Variants in NRP1 observed in about 807,000 individuals in gnomAD.
NRP1 encodes neuropilin-1.
A neutral mutation model predicts 106.7 loss-of-function variants in NRP1; 35 were observed. That is an observed-to-expected ratio of 0.33 (90% confidence interval 0.25 to 0.43). The LOEUF (loss-of-function observed/expected upper bound fraction) is 0.43. NRP1 is among the 20% of genes least tolerant of loss of function. The pLI is 1.00. For synonymous variants in NRP1, 437 were observed against 417.9 expected, an observed-to-expected ratio of 1.05 and a Z score of -0.56; for missense variants, 1,024 against 1,170.4, an observed-to-expected ratio of 0.87 and a Z score of 1.83.
chr10:33,262,421 G>A (rs1053900850), intron 4 of NRP1, among the ~76,000 whole-genome samples: 11 of 151,874 alleles, frequency 7.2e-5, no homozygotes, highest in South Asian at 2.1e-4. Context: ...GTCTAACCTC[G>A]GCCAGGCATG....
intron 6 of NRP1, among the ~76,000 whole-genome samples, chr10:33,248,660 C>T (rs1412096891): frequency 1.3e-5 from 2 of 152,232 alleles, no homozygotes; most frequent in African/African-American, 4.8e-5. Flanking sequence ...TCCTTCTCTT[C>T]TGGAACTTTC....
At chr10:33,185,266 C>T (rs1835925355) in intron 15 of NRP1, among the ~76,000 whole-genome samples, 1 of 152,200 alleles carries the variant, frequency 6.6e-6, no homozygotes, top group Admixed American at 6.5e-5. Flanking sequence ...TTTGTTTATA[C>T]ACCCAGATAT....
chr10:33,182,846 C>T (rs1473041555), intron 15 of NRP1, 98 bp from the exon 16 acceptor site: 3 of 802,976 alleles, frequency 3.7e-6, no homozygotes, highest in Non-Finnish European at 6.4e-6. Flanking sequence ...CACACACACA[C>T]ACACACACAC....
intron 7 of NRP1, 117 bp downstream of exon 7, chr10:33,226,017 A>T (rs951396854): frequency 8.5e-7 from 1 of 1,177,788 alleles, no homozygotes; most frequent in Admixed American, 2.2e-5. Flanking sequence ...TGCACTTTTC[A>T]TTTCAAATCA....
rs1464727491 is a variant in NRP1 at position 33,219,580 on chromosome 10, C to G, written c.1282+2139G>C. 2.6e-5 allele frequency among the ~76,000 whole-genome samples: 4 copies of G among 152,172 alleles called. No individual in the cohort carries two copies. The East Asian group carries it at 7.7e-4, about 29-fold the overall frequency. ...TATTAGGATATGCTATTTTAGACAT[C>G]TAAGTTTACATAACTAGATCATTTA... On this transcript the variant is annotated intron_variant, in intron 8 of 16. Transcript: ENST00000374867.
chr10:33,256,799 G>A lies in NRP1; in HGVS notation c.659-328C>T, dbSNP rs139031410. Among the ~76,000 whole-genome samples the A allele has an allele frequency of 9.6e-4, 146 of 152,306 alleles. No homozygotes were observed. In the Middle Eastern group the frequency reaches 0.01, roughly 11 times the overall value. On this transcript the variant is annotated intron_variant, in intron 4 of 16. Coordinates refer to ENST00000374867, the MANE Select transcript of NRP1 (RefSeq NM_003873.7). Reference sequence around the variant, plus strand: ...GTGGCACCTTGGTACCCACTGGCAGGGCAAATCTGTATACACAGCTCAGCG... The same window carrying A: ...GTGGCACCTTGGTACCCACTGGCAGAGCAAATCTGTATACACAGCTCAGCG...
At chr10:33,256,251 G>T (rs1238794269) in intron 5 of NRP1, 65 bp downstream of exon 5, 5 of 1,510,306 alleles carry the variant, frequency 3.3e-6, no homozygotes, top group Non-Finnish European at 4.6e-6. Flanking sequence ...TGTGGCCGCA[G>T]GTGTGTGAGC....
chr10:33,270,623 G>A (rs936225070), intron 3 of NRP1, 52 bp downstream of exon 3: 20 of 1,478,228 alleles, frequency 1.4e-5, no homozygotes, highest in African/African-American at 1.3e-4. Flanking sequence ...CACCACACTC[G>A]GCCTAAATGA....
chr10:33,250,326 T>C (rs1460537380), intron 6 of NRP1, among the ~76,000 whole-genome samples: 2 of 152,180 alleles, frequency 1.3e-5, no homozygotes, highest in Non-Finnish European at 2.9e-5. Flanking sequence ...CAGTGGATGA[T>C]AACAGCACCC....
chr10:33,285,565 G>A (rs1296451985), intron 2 of NRP1, among the ~76,000 whole-genome samples: 1 of 152,104 alleles, frequency 6.6e-6, no homozygotes. Context: ...GGGGCTGGGT[G>A]CAGTGTTGTA....
intron 12 of NRP1, among the ~76,000 whole-genome samples, chr10:33,195,768 G>A (rs734187): frequency 0.26 from 39,768 of 151,984 alleles, 5,645 homozygotes; most frequent in East Asian, 0.64. Context: ...CACAAACAGA[G>A]CACTTGGAGT....
intron 2 of NRP1, among the ~76,000 whole-genome samples, chr10:33,295,580 A>C (rs1416305663): frequency 6.6e-6 from 1 of 152,158 alleles, no homozygotes; most frequent in Non-Finnish European, 1.5e-5. Flanking sequence ...ATGGTGGTGC[A>C]CACCTGTAGT....
chr10:33,197,738 A>T (rs774225703), intron 11 of NRP1, 29 bp from the exon 12 acceptor site: 1 of 1,459,198 alleles, frequency 6.9e-7, no homozygotes, highest in Admixed American at 1.7e-5. Flanking sequence ...AACATGCAAA[A>T]ATAAGAAAAC....
intron 2 of NRP1, among the ~76,000 whole-genome samples, chr10:33,312,496 T>C (rs1268174674): frequency 6.6e-6 from 1 of 152,244 alleles, no homozygotes; most frequent in African/African-American, 2.4e-5. Context: ...ATTATGAAAT[T>C]GCACCTTTGC....
chr10:33,292,740 C>T (rs1233767510), intron 2 of NRP1, among the ~76,000 whole-genome samples: 1 of 152,306 alleles, frequency 6.6e-6, no homozygotes. Context: ...GTAATCCCAG[C>T]ACTTTGGGAG....
chr10:33,183,993 T>A (rs1216764967), intron 15 of NRP1, among the ~76,000 whole-genome samples: 2 of 151,950 alleles, frequency 1.3e-5, no homozygotes, highest in African/African-American at 4.8e-5. Context: ...TTCTTTTCTT[T>A]TCTCCCTTCC....
At chr10:33,181,851 G>C (rs1049660779) in intron 16 of NRP1, among the ~76,000 whole-genome samples, 1 of 152,206 alleles carries the variant, frequency 6.6e-6, no homozygotes, top group African/African-American at 2.4e-5. Flanking sequence ...TGTAATCCCA[G>C]CACTTTAGGA....
intron 6 of NRP1, among the ~76,000 whole-genome samples, chr10:33,228,398 TAAAAC>T (rs909376533): frequency 7.2e-5 from 11 of 151,966 alleles, no homozygotes; most frequent in African/African-American, 2.4e-4. Context: ...AAAAATAAAA[TAAAAC>T]AAAACAAATA....
chr10:33,237,265 G>A (rs1474840924), intron 6 of NRP1, among the ~76,000 whole-genome samples: 1 of 152,160 alleles, frequency 6.6e-6, no homozygotes, highest in African/African-American at 2.4e-5. Flanking sequence ...ATGATGTTAT[G>A]AGACTGAAAG....
Sources: allele counts gnomAD v4.1 joint callset (sites outside exome capture counted in the v4.1 genomes callset), GRCh38; gene constraint gnomAD v4.1.1; transcripts MANE v1.5; gene names NCBI Gene and HGNC (gene_info 2026-07-23, HGNC 2026-07-21).